The following ATP8A2 variants were observed in gnomAD, a reference collection of about 807,000 sequenced individuals.
ATP8A2 encodes the protein ATPase phospholipid transporting 8A2.
A neutral mutation model predicts 165.6 loss-of-function variants in ATP8A2; 100 were observed. That is an observed-to-expected ratio of 0.60 (90% CI 0.51 to 0.71). ATP8A2 has a LOEUF of 0.71. Among genes scored for constraint, ATP8A2 ranks in the 30% least tolerant of loss-of-function variants. The pLI, the probability that ATP8A2 is intolerant of heterozygous loss-of-function variation, is 0.00. For missense variants in ATP8A2, 1,227 were observed against 1,479.5 expected, an observed-to-expected ratio of 0.83 and a Z score of 2.80; for synonymous variants, 543 against 548.8, an observed-to-expected ratio of 0.99 and a Z score of 0.15.
intron 24 of ATP8A2, among the ~76,000 whole-genome samples, chr13:25,610,899 T>TC (rs2040667055): frequency 1.3e-5 from 2 of 150,924 alleles, no homozygotes; most frequent in Non-Finnish European, 3.0e-5. Context: ...TTTTTTTTTT[T>TC]TGCAGCTATT....
At chr13:25,884,906 C>A (rs1253337345) in intron 33 of ATP8A2, among the ~76,000 whole-genome samples, 4 of 152,170 alleles carry the variant, frequency 2.6e-5, no homozygotes, top group Non-Finnish European at 4.4e-5. Context: ...CTCTCCTGGC[C>A]TCTGCCGACT....
At chr13:25,427,720 C>T (rs1413752930) in intron 1 of ATP8A2, among the ~76,000 whole-genome samples, 1 of 151,804 alleles carries the variant, frequency 6.6e-6, no homozygotes, top group Non-Finnish European at 1.5e-5. Flanking sequence ...ATGGTGAAAC[C>T]TCATCTCTGC....
chr13:25,739,227 C>T (rs2043854156), intron 25 of ATP8A2, among the ~76,000 whole-genome samples: 1 of 152,206 alleles, frequency 6.6e-6, no homozygotes, highest in South Asian at 2.1e-4. Context: ...GCCCAGGGCA[C>T]CTTGGCGATG....
At chr13:25,864,499 C>CT (rs1234744723) in intron 33 of ATP8A2, among the ~76,000 whole-genome samples, 2 of 152,240 alleles carry the variant, frequency 1.3e-5, no homozygotes, top group East Asian at 1.9e-4. Context: ...GCATGATGGT[C>CT]TGTATGGTTA....
intron 2 of ATP8A2, among the ~76,000 whole-genome samples, chr13:25,484,145 T>A (rs2137601146): frequency 6.6e-6 from 1 of 152,336 alleles, no homozygotes; most frequent in East Asian, 1.9e-4. Context: ...TGGTGTTAAA[T>A]CAAGAAACTG....
chr13:25,784,574 A>G (rs1218108039), intron 27 of ATP8A2, among the ~76,000 whole-genome samples: 1 of 152,180 alleles, frequency 6.6e-6, no homozygotes, highest in African/African-American at 2.4e-5. Flanking sequence ...GTAGAGGCAC[A>G]CACGTAAGAA....
chr13:25,733,315 T>C (rs947672973), intron 25 of ATP8A2, among the ~76,000 whole-genome samples: 7 of 152,272 alleles, frequency 4.6e-5, no homozygotes, highest in African/African-American at 1.7e-4. Flanking sequence ...TATTGTAGGA[T>C]TGGAAAACAG....
intron 25 of ATP8A2, among the ~76,000 whole-genome samples, chr13:25,715,557 A>G (rs2043238933): frequency 6.6e-6 from 1 of 152,136 alleles, no homozygotes; most frequent in Non-Finnish European, 1.5e-5. Context: ...CTATAGATTT[A>G]CCTGTTCTGG....
intron 24 of ATP8A2, among the ~76,000 whole-genome samples, chr13:25,612,145 T>C (rs2040703731): frequency 1.3e-5 from 2 of 152,140 alleles, no homozygotes; most frequent in African/African-American, 4.8e-5. Flanking sequence ...AGTTATGCTC[T>C]GATCTTGGTT....
Position 26,023,806 on chromosome 13 carries a change from G to A in ATP8A2, c.*3821G>A, listed in dbSNP as rs193073088. 3 of 152,284 alleles carry A rather than the reference G, an allele frequency of 2.0e-5. No homozygotes were observed. Among genetic ancestry groups the A allele is most frequent in the African/African-American group, 4.8e-5 (2 of 41,552 alleles). 9.4% of individuals were successfully genotyped at this position (152,284 alleles called of 1,614,324 possible). ...GTTTGAGTTACTGCCCAGGGTCATC[G>A]TCTCAAAGTAATTCAAGGAGTGATT... On this transcript the variant is annotated 3_prime_UTR_variant, in exon 37 of 37. Transcript: ENST00000381655.
chr13:25,843,791 A>G (rs910671714), intron 30 of ATP8A2, among the ~76,000 whole-genome samples: 10 of 152,154 alleles, frequency 6.6e-5, no homozygotes, highest in Admixed American at 2.0e-4. Flanking sequence ...TATTTCTAGC[A>G]TCCCCCTTGT....
intron 24 of ATP8A2, among the ~76,000 whole-genome samples, chr13:25,629,722 C>T (rs2041190807): frequency 6.6e-6 from 1 of 152,130 alleles, no homozygotes; most frequent in Admixed American, 6.6e-5. Flanking sequence ...CCCCCTTCCA[C>T]CCTCTGCCTT....
intron 30 of ATP8A2, among the ~76,000 whole-genome samples, chr13:25,853,396 A>T (rs9551226): frequency 0.036 from 3,846 of 107,622 alleles, 209 homozygotes; most frequent in African/African-American, 0.11. Context: ...ATCTAAAAAA[A>T]ATATATATAT....
At chr13:25,415,575 AGGGT>A (rs2034108292) in intron 1 of ATP8A2, among the ~76,000 whole-genome samples, 3 of 152,192 alleles carry the variant, frequency 2.0e-5, no homozygotes, top group African/African-American at 7.2e-5. Context: ...AGAGCTCAAC[AGGGT>A]AAATGCTCTA....
At chr13:25,535,362 T>G (rs543867857) in intron 6 of ATP8A2, among the ~76,000 whole-genome samples, 4 of 152,134 alleles carry the variant, frequency 2.6e-5, no homozygotes, top group Non-Finnish European at 5.9e-5. Flanking sequence ...GTGGCTTTGA[T>G]TGACTTCGAG....
chr13:25,489,156 A>G (rs1032517946), intron 2 of ATP8A2, among the ~76,000 whole-genome samples: 10 of 152,028 alleles, frequency 6.6e-5, no homozygotes, highest in African/African-American at 2.4e-4. Context: ...CAGCCAAGGC[A>G]CTGTGATTCT....
At chr13:25,974,109 C>G (rs1049450465) in intron 35 of ATP8A2, among the ~76,000 whole-genome samples, 7 of 152,192 alleles carry the variant, frequency 4.6e-5, no homozygotes, top group African/African-American at 1.7e-4. Flanking sequence ...ACGGCGGAGA[C>G]AGATGACCTG....
chr13:25,947,359 G>A (rs1286015294), intron 33 of ATP8A2, among the ~76,000 whole-genome samples: 1 of 152,114 alleles, frequency 6.6e-6, no homozygotes, highest in African/African-American at 2.4e-5. Context: ...GAAAATAGAG[G>A]CTGGGGACCA....
intron 24 of ATP8A2, among the ~76,000 whole-genome samples, chr13:25,635,382 A>T (rs778742646): frequency 6.6e-6 from 1 of 152,184 alleles, no homozygotes; most frequent in Non-Finnish European, 1.5e-5. Flanking sequence ...AAATATTTGT[A>T]CTGCAGGCTG....
Sources: gnomAD v4.1 joint callset for allele counts (sites outside exome capture counted in the v4.1 genomes callset) on GRCh38, gnomAD v4.1.1 for gene constraint, MANE v1.5 for transcripts, NCBI Gene and HGNC (gene_info 2026-07-23, HGNC 2026-07-21) for gene names.